ADAM28: variants seen among roughly 807,000 people sequenced by gnomAD.
ADAM28 encodes ADAM metallopeptidase domain 28.
In ADAM28, 105 loss-of-function variants were observed where a neutral mutation model predicts 101.2. That is an observed-to-expected ratio of 1.04 (90% CI 0.89 to 1.22). The LOEUF is 1.22. Among genes scored for constraint, ADAM28 ranks in the 50% most tolerant of loss-of-function variants. ADAM28 has a pLI of 0.00. For synonymous variants in ADAM28, 322 were observed against 310.6 expected (o/e 1.04, Z -0.39); for missense variants, 1,028 against 945.4 (o/e 1.09, Z -1.15).
At position 24,323,888 on chromosome 8, in the gene ADAM28, G is replaced by A; in HGVS notation, c.775G>A (p.Asp259Asn). ...CTTAGTTGGTATGGAAATCTGGACTGACAAGGATAAGATAAAGATAACCCC... is the reference window on the plus strand; with the variant it reads ...CTTAGTTGGTATGGAAATCTGGACTAACAAGGATAAGATAAAGATAACCCC... ...VALVGMEIWT[D>N]KDKIKITPNA... The change falls in exon 9 of 23, where the codon GAC (aspartate) becomes AAC (asparagine). Residue 259 changes from aspartate (D) to asparagine (N), a missense_variant. Coordinates refer to ENST00000265769, the MANE Select transcript of ADAM28 (RefSeq NM_014265.6). The A allele has an allele frequency of 6.2e-7, 1 of 1,612,210 alleles. No homozygotes were observed. Among genetic ancestry groups the A allele is most frequent in the Non-Finnish European group, 8.5e-7 (1 of 1,178,828 alleles).
intron 18 of ADAM28, among the ~76,000 whole-genome samples, chr8:24,346,171 T>A (rs929494484): frequency 2.0e-5 from 3 of 152,138 alleles, no homozygotes; most frequent in African/African-American, 7.2e-5. Flanking sequence ...TTTATTTTCA[T>A]TAAATTCTAA....
intron 9 of ADAM28, among the ~76,000 whole-genome samples, chr8:24,325,252 A>T (rs888204510): frequency 1.3e-5 from 2 of 152,034 alleles, no homozygotes; most frequent in African/African-American, 4.8e-5. Flanking sequence ...TGATAAATGT[A>T]TAGGTAAAAA....
At position 24,304,032 on chromosome 8, in the gene ADAM28, TAC is replaced by T. The variant is rs200631848; in HGVS notation, c.150+3969_150+3970del. On this transcript the variant is annotated intron_variant, in intron 2 of 22. Coordinates refer to ENST00000265769, the MANE Select transcript of ADAM28 (RefSeq NM_014265.6). ...AATGCTTCCAAGAAAACCCAACATT[TAC>T]ACACACACACACATGCACGTGCACA... Among the ~76,000 whole-genome samples, 211 of 151,384 alleles carry T rather than the reference TAC, an allele frequency of 1.4e-3. 1 individual carries two copies. The East Asian group carries it at 0.026, about 18-fold the overall frequency.
At chr8:24,308,580 A>G in intron 2 of ADAM28, 3 of 455,736 alleles carry the variant, frequency 6.6e-6, no homozygotes, top group Admixed American at 2.4e-5. Context: ...TTAATCCTGA[A>G]CAGTAAGAGG....
At chr8:24,352,469 ACATAG>A (rs1816280215) in intron 21 of ADAM28, among the ~76,000 whole-genome samples, 1 of 152,150 alleles carries the variant, frequency 6.6e-6, no homozygotes, top group African/African-American at 2.4e-5. Context: ...TTGTATCCTC[ACATAG>A]CAGAGGGAGA....
At chr8:24,343,414 C>A in intron 17 of ADAM28, 92 bp from the exon 18 acceptor site, 1 of 1,331,398 alleles carries the variant, frequency 7.5e-7, no homozygotes, top group South Asian at 1.2e-5. Context: ...TGGGGTTATT[C>A]CTTTTTCTGC....
intron 1 of ADAM28, among the ~76,000 whole-genome samples, chr8:24,294,847 T>C (rs952855768): frequency 5.9e-5 from 9 of 152,306 alleles, no homozygotes; most frequent in African/African-American, 2.2e-4. Flanking sequence ...TAACAGGAAA[T>C]TATGTCTAGC....
At chr8:24,308,312 A>T (rs186310494) in intron 2 of ADAM28, among the ~76,000 whole-genome samples, 126 of 152,262 alleles carry the variant, frequency 8.3e-4, no homozygotes, top group African/African-American at 2.8e-3. Context: ...TTATTACATT[A>T]CCCAGTGTAC....
intron 6 of ADAM28, among the ~76,000 whole-genome samples, chr8:24,316,380 G>T (rs1331183716): frequency 2.0e-5 from 3 of 151,910 alleles, no homozygotes; most frequent in African/African-American, 4.8e-5. Flanking sequence ...GATAAGAAAG[G>T]TGTGGTTGAA....
rs1294578642 is a variant in ADAM28 at position 24,356,508 on chromosome 8, G to GAAGA, written c.*2107_*2110dup. 1 of 152,118 alleles carries GAAGA rather than the reference G, an allele frequency of 6.6e-6. No homozygotes were observed. The highest frequency in any genetic ancestry group is 2.4e-5 in the African/African-American group (1 of 41,428). The allele number at this position is 152,118 out of a possible 1,614,324, so 9.4% of individuals were successfully genotyped here. On this transcript the variant is annotated 3_prime_UTR_variant, in exon 23 of 23. Coordinates refer to ENST00000265769, the MANE Select transcript of ADAM28 (RefSeq NM_014265.6). ...ATGCATCATACGTCCTATTTGAAGA[G>GAAGA]AAGAAATGCAGTACAATGACAGGAA...
chr8:24,304,663 C>A (rs1447102146), intron 2 of ADAM28, among the ~76,000 whole-genome samples: 1 of 151,906 alleles, frequency 6.6e-6, no homozygotes, highest in African/African-American at 2.4e-5. Flanking sequence ...GTCAGGGGTT[C>A]AAGACCAACC....
rs1001556999 is a variant in ADAM28, at chr8:24,335,577, G to A, written c.1503G>A (p.Lys501=). ...QVNGFPCHHG[K]GHCLMGTCPT... ...ATGGCTTCCCTTGCCATCACGGGAA[G>A]GGCCACTGCTTGATGGGGACATGCC... Residue 501 remains lysine (K), a synonymous_variant, in exon 14 of 23, where the codon AAG becomes AAA. Coordinates refer to ENST00000265769, the MANE Select transcript of ADAM28 (RefSeq NM_014265.6). The A allele has an allele frequency of 6.2e-7, 1 of 1,613,832 alleles. No homozygotes were observed. Among genetic ancestry groups the A allele is most frequent in the Non-Finnish European group, 8.5e-7 (1 of 1,179,848 alleles).
intron 5 of ADAM28, 24 bp downstream of exon 5, chr8:24,311,461 A>G (rs773078035): frequency 1.1e-5 from 17 of 1,593,798 alleles, no homozygotes; most frequent in East Asian, 2.2e-5. Flanking sequence ...AATGTTTTGC[A>G]TGTACCTGTG....
At chr8:24,327,882 T>TATC (rs1447238755) in intron 10 of ADAM28, among the ~76,000 whole-genome samples, 1 of 152,138 alleles carries the variant, frequency 6.6e-6, no homozygotes, top group Non-Finnish European at 1.5e-5. Flanking sequence ...GTGCTATTAT[T>TATC]ATCATATGTT....
At chr8:24,348,449 T>C (rs746433999) in intron 18 of ADAM28, among the ~76,000 whole-genome samples, 1 of 152,130 alleles carries the variant, frequency 6.6e-6, no homozygotes, top group Non-Finnish European at 1.5e-5. Flanking sequence ...ACATTAGGGT[T>C]TGCTGTTGGT....
At chr8:24,346,995 C>G (rs567752981) in intron 18 of ADAM28, 2 of 152,170 alleles carry the variant, frequency 1.3e-5, no homozygotes, top group South Asian at 4.1e-4. Context: ...CATGAACATA[C>G]CCGGACACAT....
chr8:24,303,154 C>T (rs1356892461), intron 2 of ADAM28, among the ~76,000 whole-genome samples: 1 of 151,800 alleles, frequency 6.6e-6, no homozygotes, highest in Admixed American at 6.6e-5. Context: ...TTATTAGATC[C>T]CGTTTGTCAA....
In ADAM28 at chr8:24,321,245, G is replaced by A. The variant is rs1811836740; in HGVS notation, c.676G>A (p.Glu226Lys). 1.2e-6 allele frequency: 2 copies of A among 1,606,534 alleles called. No homozygotes were observed. The highest frequency in any genetic ancestry group is 2.7e-5 in the African/African-American group (2 of 74,550). ...TAAAAGGTACAATGAGAATCAAGAT[G>A]AGATCAGAAAGAGGGTATTTGAGAT... ...EFKRYNENQD[E>K]IRKRVFEMAN... Residue 226 changes from glutamate (E) to lysine (K), a missense_variant, in exon 8 of 23, where the codon GAG becomes AAG. Physicochemically the swap from Glu to Lys is moderately conservative, Grantham distance 56. Coordinates refer to ENST00000265769, the MANE Select transcript of ADAM28 (RefSeq NM_014265.6).
At chr8:24,343,350 T>C (rs531647724) in intron 17 of ADAM28, among the ~76,000 whole-genome samples, 156 bp from the exon 18 acceptor site, 1 of 152,318 alleles carries the variant, frequency 6.6e-6, no homozygotes, top group South Asian at 2.1e-4. Flanking sequence ...GAATCATTCA[T>C]GAAATGCCTC....
Sources: gnomAD v4.1 joint callset for allele counts (sites outside exome capture counted in the v4.1 genomes callset) on GRCh38, gnomAD v4.1.1 for gene constraint, MANE v1.5 for transcripts, NCBI Gene and HGNC (gene_info 2026-07-23, HGNC 2026-07-21) for gene names.